Variants in SLC17A8 observed in about 807,000 individuals in gnomAD.
The protein encoded by SLC17A8 is solute carrier family 17 member 8, also known as vesicular glutamate transporter 3.
A neutral mutation model predicts 58.0 loss-of-function variants in SLC17A8; 31 were observed. That is an observed-to-expected ratio of 0.53 (90% CI 0.40 to 0.72). SLC17A8 has a LOEUF of 0.72. SLC17A8 is among the 30% of genes least tolerant of loss of function. The pLI, the probability that SLC17A8 is intolerant of heterozygous loss-of-function variation, is 0.00. For missense variants in SLC17A8, 655 were observed against 727.8 expected (o/e 0.90, Z 1.15); for synonymous variants, 228 against 249.0 (o/e 0.92, Z 0.79).
intron 9 of SLC17A8, among the ~76,000 whole-genome samples, chr12:100,408,876 A>T (rs961769924): frequency 1.3e-5 from 2 of 152,190 alleles, no homozygotes; most frequent in Non-Finnish European, 2.9e-5. Flanking sequence ...GTAGTCTTAA[A>T]TGTTGAAACA....
chr12:100,363,526 C>G (rs894464412), intron 1 of SLC17A8, among the ~76,000 whole-genome samples: 3 of 152,032 alleles, frequency 2.0e-5, no homozygotes, highest in Non-Finnish European at 4.4e-5. Context: ...ACCACCATGC[C>G]CGGCTAATTT....
intron 1 of SLC17A8, among the ~76,000 whole-genome samples, chr12:100,377,286 A>G (rs1363299893): frequency 1.3e-5 from 2 of 152,140 alleles, no homozygotes; most frequent in Non-Finnish European, 1.5e-5. Context: ...GATTAACGTA[A>G]TAAAAATAGC....
chr12:100,375,584 T>C (rs935165984), intron 1 of SLC17A8, among the ~76,000 whole-genome samples: 3 of 152,140 alleles, frequency 2.0e-5, no homozygotes, highest in Non-Finnish European at 2.9e-5. Context: ...GGGTGGTTGA[T>C]TCAGAGCACA....
chr12:100,388,871 T>TCC (rs1367419407), intron 2 of SLC17A8, among the ~76,000 whole-genome samples: 4 of 152,222 alleles, frequency 2.6e-5, no homozygotes, highest in African/African-American at 9.6e-5. Flanking sequence ...TCCCAGGCGT[T>TCC]TGATTTAGGT....
chr12:100,388,895 G>A (rs1306286807), intron 2 of SLC17A8, among the ~76,000 whole-genome samples: 1 of 152,182 alleles, frequency 6.6e-6, no homozygotes, highest in East Asian at 1.9e-4. Context: ...AAGACTATAA[G>A]TCAAACAGGA....
At chr12:100,358,612 G>A (rs1316357117) in intron 1 of SLC17A8, among the ~76,000 whole-genome samples, 4 of 152,132 alleles carry the variant, frequency 2.6e-5, no homozygotes, top group Admixed American at 6.5e-5. Context: ...CACTGAATTA[G>A]CATGTCTAGA....
chr12:100,386,974 C>T (rs1952679918), intron 2 of SLC17A8, among the ~76,000 whole-genome samples: 1 of 152,212 alleles, frequency 6.6e-6, no homozygotes, highest in Non-Finnish European at 1.5e-5. Flanking sequence ...CAGGCATGAG[C>T]CACTGCGCCC....
At chr12:100,412,643 A>AAT in intron 9 of SLC17A8, 127 bp from the exon 10 acceptor site, 1 of 692,956 alleles carries the variant, frequency 1.4e-6, no homozygotes. Flanking sequence ...TAAAAAAAAA[A>AAT]CATAGACACA....
chr12:100,371,108 G>A (rs1952556026), intron 1 of SLC17A8, among the ~76,000 whole-genome samples: 1 of 152,154 alleles, frequency 6.6e-6, no homozygotes, highest in Admixed American at 6.5e-5. Context: ...TAGCTCTGGG[G>A]ATCGTATTTT....
Position 100,382,807 on chromosome 12 carries a change from C to T in SLC17A8, c.354+1854C>T, listed in dbSNP as rs185378622. ...CTATTAGCATCATCTGGCACAGTCT[C>T]CTGCCAGGCACTGGTTTGAGAAAAT... On this transcript the variant is annotated intron_variant, in intron 2 of 11. Transcript: ENST00000323346. Among the ~76,000 whole-genome samples, 1,042 of 152,328 alleles carry T rather than the reference C, an allele frequency of 6.8e-3. 10 individuals are homozygous for T. The highest frequency in any genetic ancestry group is 0.017 in the South Asian group (83 of 4,822).
intron 4 of SLC17A8, among the ~76,000 whole-genome samples, chr12:100,395,550 T>A (rs2135998555): frequency 6.6e-6 from 1 of 152,262 alleles, no homozygotes; most frequent in East Asian, 1.9e-4. Flanking sequence ...GGTCTCGAAC[T>A]CCTGACTTAG....
chr12:100,380,507 C>T (rs938299911), intron 1 of SLC17A8, among the ~76,000 whole-genome samples, 194 bp from the exon 2 acceptor site: 2 of 151,068 alleles, frequency 1.3e-5, no homozygotes, highest in Non-Finnish European at 2.9e-5. Flanking sequence ...CTATAACTTA[C>T]TTTAATAATA....
At chr12:100,397,449 A>G (rs1378723451) in intron 5 of SLC17A8, among the ~76,000 whole-genome samples, 1 of 152,192 alleles carries the variant, frequency 6.6e-6, no homozygotes. Flanking sequence ...GTAGCCCCCA[A>G]GTAGTATGTG....
intron 1 of SLC17A8, among the ~76,000 whole-genome samples, chr12:100,358,282 T>C (rs1248182761): frequency 6.6e-6 from 1 of 152,220 alleles, no homozygotes; most frequent in African/African-American, 2.4e-5. Context: ...CTCTCTGATA[T>C]AAATAAATGT....
intron 9 of SLC17A8, among the ~76,000 whole-genome samples, chr12:100,406,649 C>T (rs1246149565): frequency 6.6e-6 from 1 of 151,972 alleles, no homozygotes; most frequent in African/African-American, 2.4e-5. Context: ...GATTCTCCTG[C>T]CTCAGCTTCC....
At chr12:100,384,269 G>T (rs1053141134) in intron 2 of SLC17A8, among the ~76,000 whole-genome samples, 1 of 152,114 alleles carries the variant, frequency 6.6e-6, no homozygotes, top group African/African-American at 2.4e-5. Flanking sequence ...ATTGCTGGTT[G>T]CGAAGAAATG....
chr12:100,365,260 T>A (rs1050009825), intron 1 of SLC17A8, among the ~76,000 whole-genome samples: 7 of 152,176 alleles, frequency 4.6e-5, no homozygotes, highest in Admixed American at 1.3e-4. Context: ...CCATGAGATG[T>A]TTTTTGTCTG....
chr12:100,364,611 C>T (rs943373573), intron 1 of SLC17A8, among the ~76,000 whole-genome samples: 1 of 152,180 alleles, frequency 6.6e-6, no homozygotes, highest in Admixed American at 6.5e-5. Context: ...TTTTGTGCCT[C>T]TTCCAAGTGG....
In SLC17A8 at chr12:100,420,501, A is replaced by T. The variant is rs1952941356; in HGVS notation, c.*342A>T. On this transcript the variant is annotated 3_prime_UTR_variant, in exon 12 of 12. Coordinates refer to ENST00000323346, the MANE Select transcript of SLC17A8 (RefSeq NM_139319.3). The stretch of plus-strand genomic sequence containing the variant: ...GAAATTGGGATGTTTGGCCAGAAGG[A>T]ATGTAAACAGTAGTAGTAGCTGCCA... 3.7e-6 allele frequency: 1 copy of T among 271,308 alleles called. No homozygotes were observed. The highest frequency in any genetic ancestry group is 4.8e-5 in the Admixed American group (1 of 20,878). 16.8% of individuals were successfully genotyped at this position (271,308 alleles called of 1,614,324 possible). A position where few individuals can be genotyped will look rare whatever the true frequency, so the allele number is the denominator to read the frequency against.
Sources: gnomAD v4.1 joint callset for allele counts (sites outside exome capture counted in the v4.1 genomes callset) on GRCh38, gnomAD v4.1.1 for gene constraint, MANE v1.5 for transcripts, NCBI Gene and HGNC (gene_info 2026-07-23, HGNC 2026-07-21) for gene names.